ZNF66: variants seen among roughly 807,000 people sequenced by gnomAD.
The protein encoded by ZNF66 is zinc finger protein 66, also known as putative zinc finger protein 66.
In ZNF66, 32 loss-of-function variants were observed where a neutral mutation model predicts 35.2. The ratio of observed to expected loss-of-function variants is 0.91; its 90% confidence interval spans 0.69 to 1.22. The LOEUF is 1.22. ZNF66 is among the 50% of genes most tolerant of loss of function. The pLI, the probability that ZNF66 is intolerant of heterozygous loss-of-function variation, is 0.00. For missense variants in ZNF66, 666 were observed against 543.1 expected (o/e 1.23, Z -2.25); for synonymous variants, 231 against 181.3 (o/e 1.27, Z -2.20).
At chr19:20,799,377 A>G (rs1189783810) in intron 3 of ZNF66, 1 of 151,924 alleles carries the variant, frequency 6.6e-6, no homozygotes, top group Non-Finnish European at 1.5e-5. Flanking sequence ...TACATATTTT[A>G]GATATAGATT....
chr19:20,780,971 C>T (rs1452978913), intron 1 of ZNF66, among the ~76,000 whole-genome samples: 4 of 152,182 alleles, frequency 2.6e-5, no homozygotes, highest in East Asian at 1.9e-4. Flanking sequence ...AACTTCACCA[C>T]AGCATTTTTG....
chr19:20,781,171 T>G (rs1314852721), intron 1 of ZNF66, among the ~76,000 whole-genome samples: 4 of 152,192 alleles, frequency 2.6e-5, no homozygotes, highest in Non-Finnish European at 5.9e-5. Flanking sequence ...GACCACTATC[T>G]GCAGCAAAAA....
chr19:20,801,024 T>C (rs1971442671), intron 3 of ZNF66, among the ~76,000 whole-genome samples: 1 of 152,178 alleles, frequency 6.6e-6, no homozygotes, highest in Admixed American at 6.5e-5. Flanking sequence ...CATATACATA[T>C]AGATAGATAA....
In ZNF66 at chr19:20,806,046, A is replaced by T. The variant is rs530912105; in HGVS notation, c.446A>T (p.Lys149Ile). The T allele has an allele frequency of 1.3e-4, 109 of 837,138 alleles. No individual in the cohort carries two copies. In the Middle Eastern group the frequency reaches 1.4e-3, roughly 11 times the overall value. 51.9% of individuals were successfully genotyped at this position (837,138 alleles called of 1,614,324 possible). The change falls in exon 4 of 4, where the codon AAA becomes ATA. Residue 149 changes from lysine (K) to isoleucine (I), a missense_variant. By Grantham distance (102) the Lys-to-Ile change is moderately radical (BLOSUM62 -3). Transcript: ENST00000344519. ...CAAAGCAAAATGTTTCAATGTGATA[A>T]ACATGGGAAAGTCTTTCATCAATTT... ...TTQSKMFQCD[K>I]HGKVFHQFSN...
intron 3 of ZNF66, among the ~76,000 whole-genome samples, chr19:20,803,248 G>T (rs1002169559): frequency 3.3e-5 from 5 of 151,354 alleles, no homozygotes; most frequent in Non-Finnish European, 5.9e-5. Context: ...TTCTGCAAAA[G>T]AAAAACTTAT....
At chr19:20,785,964 G>A (rs1046943916) in intron 1 of ZNF66, among the ~76,000 whole-genome samples, 8 of 152,050 alleles carry the variant, frequency 5.3e-5, no homozygotes, top group Non-Finnish European at 8.8e-5. Context: ...GTTTCACTGT[G>A]TTGGCTAAGC....
At position 20,806,771 on chromosome 19, in the gene ZNF66, C is replaced by T. The variant is rs1971518092; in HGVS notation, c.1171C>T (p.His391Tyr). 8 of 1,324,828 alleles carry T rather than the reference C, an allele frequency of 6.0e-6. No individual in the cohort carries two copies. Among genetic ancestry groups the T allele is most frequent in the Non-Finnish European group, 7.6e-6 (7 of 919,876 alleles). The allele number at this position is 1,324,828 out of a possible 1,614,324, so 82.1% of individuals were successfully genotyped here. A position where few individuals can be genotyped will look rare whatever the true frequency, so the allele number is the denominator to read the frequency against. The change falls in exon 4 of 4, where the codon CAT becomes TAT. Residue 391 changes from histidine (H) to tyrosine (Y), a missense_variant. His to Tyr is a moderately conservative substitution (Grantham distance 83). Coordinates refer to ENST00000344519, the MANE Select transcript of ZNF66 (RefSeq NM_001355197.2). ...TTCCCTTACTGCACATAAGATAATT[C>T]ATACTGGAAAGAAACCTTACAAATG... ...SCSLTAHKII[H>Y]TGKKPYKCEE...
In ZNF66 at chr19:20,808,690, A is replaced by G. The variant is rs1971552855; in HGVS notation, c.*1368A>G. Among the ~76,000 whole-genome samples, 1 of 152,080 alleles carries G rather than the reference A, an allele frequency of 6.6e-6. No individual in the cohort carries two copies. Among genetic ancestry groups the G allele is most frequent in the Non-Finnish European group, 1.5e-5 (1 of 68,006 alleles). On this transcript the variant is annotated 3_prime_UTR_variant, in exon 4 of 4. Transcript: ENST00000344519. ...GAAAGGACATCCACACCAAAAACCC[A>G]TCTGTACATCACCATCATCAAAGAC...
At chr19:20,792,344 G>C (rs570437793) in intron 1 of ZNF66, among the ~76,000 whole-genome samples, 168 bp from the exon 2 acceptor site, 22 of 151,516 alleles carry the variant, frequency 1.5e-4, no homozygotes, top group Admixed American at 6.6e-4. Flanking sequence ...CTCAGAGTTA[G>C]AGAATACTTT....
At chr19:20,790,490 G>T (rs1266355533) in intron 1 of ZNF66, among the ~76,000 whole-genome samples, 1 of 145,722 alleles carries the variant, frequency 6.9e-6, no homozygotes. Context: ...GCTGGTGTCT[G>T]TGGCAGGGGA....
At position 20,809,333 on chromosome 19, in the gene ZNF66, C is replaced by T. The variant is rs1971563440; in HGVS notation, c.*2011C>T. On this transcript the variant is annotated 3_prime_UTR_variant, in exon 4 of 4. Transcript: ENST00000344519. ...CAGATTCAGGAAATACAGAGAACGC[C>T]ACAAAGATACTCCTTGAGAAGAGCA... 6.6e-6 allele frequency among the ~76,000 whole-genome samples: 1 copy of T among 151,858 alleles called. No homozygotes were observed. Among genetic ancestry groups the T allele is most frequent in the South Asian group, 2.1e-4 (1 of 4,802 alleles).
Position 20,792,534 on chromosome 19 carries a change from T to C in ZNF66, c.26T>C (p.Val9Ala). 6.5e-7 allele frequency: 1 copy of C among 1,534,426 alleles called. No homozygotes were observed. Among genetic ancestry groups the C allele is most frequent in the Non-Finnish European group, 9.0e-7 (1 of 1,111,840 alleles). The change falls in exon 2 of 4, where the codon GTG becomes GCG. Residue 9 changes from valine (V) to alanine (A), a missense_variant. By Grantham distance (64) the Val-to-Ala change is moderately conservative (BLOSUM62 0). Coordinates refer to ENST00000344519, the MANE Select transcript of ZNF66 (RefSeq NM_001355197.2). MGPLQFRD[V>A]AIEFSLEEWH... ...CAGGGGCCATTGCAATTTAGAGATG[T>C]GGCCATAGAATTCTCTCTGGAGGAG...
rs1490942108 is a variant in ZNF66, at chr19:20,806,550, A to C, written c.950A>C (p.Glu317Ala). Residue 317 changes from glutamate (E) to alanine (A), a missense_variant, in exon 4 of 4, where the codon GAA (glutamate) becomes GCA (alanine). Transcript: ENST00000344519. ...HTGEKPYKCE[E>A]CGKAFNWSSH... ...GGAGAGAAACCCTACAAATGTGAAG[A>C]ATGTGGTAAAGCCTTCAACTGGTCC... 6.4e-7 allele frequency: 1 copy of C among 1,550,918 alleles called. No individual in the cohort carries two copies. The highest frequency in any genetic ancestry group is 1.7e-5 in the Admixed American group (1 of 59,924).
At chr19:20,803,930 A>T (rs1379864537) in intron 3 of ZNF66, among the ~76,000 whole-genome samples, 3 of 151,982 alleles carry the variant, frequency 2.0e-5, no homozygotes, top group Non-Finnish European at 2.9e-5. Context: ...ACTTGCAAAA[A>T]TTTTTTTGAT....
chr19:20,779,136 G>C (rs1364326558), intron 1 of ZNF66, among the ~76,000 whole-genome samples: 1 of 151,990 alleles, frequency 6.6e-6, no homozygotes, highest in Non-Finnish European at 1.5e-5. Context: ...AAACTGAGAG[G>C]GTCTTACTGA....
intron 3 of ZNF66, chr19:20,799,354 A>T: frequency 6.6e-6 from 1 of 151,572 alleles, no homozygotes. Flanking sequence ...GAGCTACTGC[A>T]CCTGGCCTGT....
intron 3 of ZNF66, among the ~76,000 whole-genome samples, chr19:20,795,812 C>T (rs554164077): frequency 6.6e-6 from 1 of 152,138 alleles, no homozygotes; most frequent in Non-Finnish European, 1.5e-5. Context: ...TGCCTTCCTC[C>T]AGGTCTCTTG....
In ZNF66 at chr19:20,808,416, AC is replaced by A. The variant is rs1444509247; in HGVS notation, c.*1099del. On this transcript the variant is annotated 3_prime_UTR_variant, in exon 4 of 4. Coordinates refer to ENST00000344519, the MANE Select transcript of ZNF66 (RefSeq NM_001355197.2). The stretch of plus-strand genomic sequence containing the variant: ...GACTGCCTCCTCAAGTGGGTCTCTG[AC>A]CCCCGAGCAGCCTAACTGGGAGGCA... Among the ~76,000 whole-genome samples, 1 of 152,046 alleles carries A rather than the reference AC, an allele frequency of 6.6e-6. No individual in the cohort carries two copies. The highest frequency in any genetic ancestry group is 1.9e-4 in the East Asian group (1 of 5,190).
intron 1 of ZNF66, among the ~76,000 whole-genome samples, chr19:20,781,019 C>T (rs1971240876): frequency 6.6e-6 from 1 of 152,184 alleles, no homozygotes; most frequent in East Asian, 1.9e-4. Context: ...CAAGTCTCTG[C>T]AAGTCTCCTG....
Sources: gnomAD v4.1 joint callset for allele counts (sites outside exome capture counted in the v4.1 genomes callset) on GRCh38, gnomAD v4.1.1 for gene constraint, MANE v1.5 for transcripts, NCBI Gene and HGNC (gene_info 2026-07-23, HGNC 2026-07-21) for gene names.